Variants in RBFOX2 observed in about 807,000 individuals in gnomAD.
RBFOX2 encodes RNA binding fox-1 homolog 2, also known as RNA binding protein fox-1 homolog 2.
Under a neutral mutation model 49.1 loss-of-function variants are expected in RBFOX2, and 10 were observed. That is an observed-to-expected ratio of 0.20 (90% CI 0.13 to 0.35). The LOEUF (loss-of-function observed/expected upper bound fraction) is 0.35, where lower values mean the gene tolerates loss of function less well. Ranked by LOEUF, RBFOX2 falls within the 10% of genes least tolerant of loss-of-function variation. The pLI, the probability that RBFOX2 is intolerant of heterozygous loss-of-function variation, is 1.00. For synonymous variants in RBFOX2, 183 were observed against 187.4 expected (o/e 0.98, Z 0.19); for missense variants, 323 against 486.9 (o/e 0.66, Z 3.17).
chr22:35,804,685 C>T (rs574354519), intron 2 of RBFOX2, among the ~76,000 whole-genome samples: 1 of 151,988 alleles, frequency 6.6e-6, no homozygotes, highest in Non-Finnish European at 1.5e-5. Context: ...AAACTGAACA[C>T]ATAAAAAAAC....
At chr22:35,962,358 A>T (rs546990066), upstream of RBFOX2, among the ~76,000 whole-genome samples, 5 of 152,316 alleles carry the variant, frequency 3.3e-5, no homozygotes, top group South Asian at 1.0e-3. Flanking sequence ...ATGTAAACTT[A>T]ACAAATTCTC....
chr22:35,782,731 T>C (rs773403825), intron 2 of RBFOX2, among the ~76,000 whole-genome samples: 6 of 152,216 alleles, frequency 3.9e-5, no homozygotes, highest in Non-Finnish European at 5.9e-5. Flanking sequence ...GCAAACTGCA[T>C]TGAGAGAATC....
intron 1 of RBFOX2, among the ~76,000 whole-genome samples, chr22:35,865,070 ATCT>A (rs2043514729): frequency 6.6e-6 from 1 of 152,218 alleles, no homozygotes; most frequent in Admixed American, 6.5e-5. Flanking sequence ...GAGAAAACTG[ATCT>A]TCTCTTTCAT....
intron 1 of RBFOX2, among the ~76,000 whole-genome samples, chr22:35,868,271 A>G (rs1030896942): frequency 6.6e-6 from 1 of 152,198 alleles, no homozygotes; most frequent in African/African-American, 2.4e-5. Context: ...TATTACCTAT[A>G]TAAACTATTG....
At chr22:35,751,867 C>T (rs1205944755) in intron 9 of RBFOX2, among the ~76,000 whole-genome samples, 1 of 152,202 alleles carries the variant, frequency 6.6e-6, no homozygotes, top group Non-Finnish European at 1.5e-5. Flanking sequence ...AATAATCAAA[C>T]CTTTCAAACA....
chr22:35,768,111 A>G, intron 5 of RBFOX2, 146 bp downstream of exon 6: 1 of 805,994 alleles, frequency 1.2e-6, no homozygotes, highest in South Asian at 1.9e-5. Context: ...TTTTAGTGCA[A>G]GAAGGTGAAG....
At chr22:36,025,238 A>G (rs2059388718) in intron 1 of RBFOX2, among the ~76,000 whole-genome samples, 1 of 152,188 alleles carries the variant, frequency 6.6e-6, no homozygotes. Context: ...TTTCCAAACA[A>G]ACCAAGCAGT....
chr22:35,951,690 T>C (rs985028153), intron 1 of RBFOX2, among the ~76,000 whole-genome samples: 1 of 152,236 alleles, frequency 6.6e-6, no homozygotes, highest in Non-Finnish European at 1.5e-5. Flanking sequence ...CCTAGTGTTT[T>C]ATAAACATTA....
chr22:35,872,847 G>C (rs963292353), intron 1 of RBFOX2, among the ~76,000 whole-genome samples: 10 of 152,124 alleles, frequency 6.6e-5, no homozygotes, highest in African/African-American at 2.4e-4. Flanking sequence ...GGATGGTCTT[G>C]AAAAATGCAA....
At chr22:35,837,484 C>G (rs1957884991) in intron 1 of RBFOX2, among the ~76,000 whole-genome samples, 1 of 145,922 alleles carries the variant, frequency 6.9e-6, no homozygotes, top group Non-Finnish European at 1.5e-5. Context: ...GGATGTCTGG[C>G]TCAAACACAC....
chr22:36,025,928 T>C (rs1024129615), intron 1 of RBFOX2, among the ~76,000 whole-genome samples: 2 of 151,906 alleles, frequency 1.3e-5, no homozygotes, highest in South Asian at 2.1e-4. Context: ...AATCAATGAT[T>C]TGAATACCTG....
intron 1 of RBFOX2, among the ~76,000 whole-genome samples, chr22:35,989,123 C>T (rs2057852578): frequency 1.3e-5 from 2 of 152,176 alleles, no homozygotes; most frequent in African/African-American, 2.4e-5. Context: ...CAGGTGGATA[C>T]AGACATCCTA....
In RBFOX2 at chr22:35,759,467, C is replaced by G. The variant is rs1937938583; in HGVS notation, c.887+421G>C. On this transcript the variant is annotated intron_variant, in intron 9 of 11. Coordinates refer to ENST00000405409, the Ensembl canonical transcript of RBFOX2. This position sits in a 1 kb window ranked among gnomAD's most constrained non-coding sequence, Gnocchi z 4.6. Reference sequence around the variant, plus strand: ...CAAAGGGGAGGACACATGTGACAGCCTCTGCCCCAACACGGGGTGGTGATA... The same window carrying G: ...CAAAGGGGAGGACACATGTGACAGCGTCTGCCCCAACACGGGGTGGTGATA... Among the ~76,000 whole-genome samples, 1 of 152,208 alleles carries G rather than the reference C, an allele frequency of 6.6e-6. No homozygotes were observed. Among genetic ancestry groups the G allele is most frequent in the Non-Finnish European group, 1.5e-5 (1 of 68,036 alleles).
chr22:35,940,580 C>A (rs1225686982), upstream of RBFOX2, among the ~76,000 whole-genome samples: 1 of 152,108 alleles, frequency 6.6e-6, no homozygotes, highest in African/African-American at 2.4e-5. Flanking sequence ...CAATTCCACA[C>A]CTGGGTATGT....
intron 1 of RBFOX2, among the ~76,000 whole-genome samples, chr22:35,813,847 AAC>A (rs1952421771): frequency 6.6e-6 from 1 of 152,242 alleles, no homozygotes; most frequent in Admixed American, 6.5e-5. Context: ...AACAAGGGAT[AAC>A]ACAGAGTGAA....
chr22:35,872,707 C>T (rs992711639), intron 1 of RBFOX2, among the ~76,000 whole-genome samples: 9 of 152,202 alleles, frequency 5.9e-5, no homozygotes, highest in African/African-American at 2.2e-4. Context: ...GCTCCCTTGA[C>T]GTCCTCCCAC....
chr22:35,887,728 C>T (rs1031612052), intron 1 of RBFOX2, among the ~76,000 whole-genome samples: 2 of 152,114 alleles, frequency 1.3e-5, no homozygotes, highest in African/African-American at 2.4e-5. Context: ...CTGATAACTT[C>T]AACAGCCACA....
chr22:35,985,869 A>G (rs892440904), intron 1 of RBFOX2, among the ~76,000 whole-genome samples: 1 of 151,616 alleles, frequency 6.6e-6, no homozygotes, highest in Non-Finnish European at 1.5e-5. Flanking sequence ...AAAGCAGGAA[A>G]GACTCCATCT....
intron 1 of RBFOX2, among the ~76,000 whole-genome samples, chr22:35,824,708 C>T (rs115355887): frequency 6.6e-6 from 1 of 152,276 alleles, no homozygotes; most frequent in African/African-American, 2.4e-5. Flanking sequence ...CAAAAACAAG[C>T]CATCCATATT....
Sources: gnomAD v4.1 joint callset for allele counts (sites outside exome capture counted in the v4.1 genomes callset) on GRCh38, gnomAD v4.1.1 for gene constraint, Gnocchi (gnomAD v3.1) non-coding constraint, MANE v1.5 for transcripts, NCBI Gene and HGNC (gene_info 2026-07-23, HGNC 2026-07-21) for gene names.